KAZN: variants seen among roughly 807,000 people sequenced by gnomAD.
The protein encoded by KAZN is kazrin, periplakin interacting protein, also known as kazrin.
A neutral mutation model predicts 87.4 loss-of-function variants in KAZN; 40 were observed. That is an observed-to-expected ratio of 0.46 (90% CI 0.36 to 0.60). The LOEUF is 0.60. Ranked by LOEUF, KAZN falls within the 20% of genes least tolerant of loss-of-function variation. The probability of loss-of-function intolerance (pLI) is 0.00; values close to 1 mark genes in which losing one functional copy is unlikely to be tolerated. For synonymous variants in KAZN, 466 were observed against 458.3 expected, an observed-to-expected ratio of 1.02 and a Z score of -0.22; for missense variants, 898 against 1,073.9, an observed-to-expected ratio of 0.84 and a Z score of 2.29.
At chr1:14,472,957 T>A (rs1049682854) in intron 2 of KAZN, among the ~76,000 whole-genome samples, 2 of 152,192 alleles carry the variant, frequency 1.3e-5, no homozygotes, top group Non-Finnish European at 2.9e-5. Flanking sequence ...TTGCCTGGAA[T>A]AATTATTTAG....
In KAZN at chr1:14,184,912, C is replaced by T. The variant is rs1257820316; in HGVS notation, c.249+4320C>T. 6.6e-6 allele frequency among the ~76,000 whole-genome samples: 1 copy of T among 152,190 alleles called. No individual in the cohort carries two copies. ...TAATTTGATTCTTCTGTTACTAGCA[C>T]TTTCCATCCCTCCAGATTCTTTCCG... On this transcript the variant is annotated intron_variant, in intron 2 of 16. Transcript: ENST00000636203. This position sits in a 1 kb window ranked among gnomAD's most constrained non-coding sequence, Gnocchi z 4.2.
chr1:14,088,717 T>C (rs1643907002), intron 1 of KAZN, among the ~76,000 whole-genome samples: 1 of 152,000 alleles, frequency 6.6e-6, no homozygotes, highest in Non-Finnish European at 1.5e-5. Context: ...TTTTTATCAA[T>C]TATTGAGAGA....
At chr1:15,086,121 C>T (rs907937014) in intron 8 of KAZN, among the ~76,000 whole-genome samples, 38 of 152,060 alleles carry the variant, frequency 2.5e-4, no homozygotes, top group African/African-American at 8.5e-4. Context: ...CAGGCGCCCC[C>T]GACCACGCCC....
intron 2 of KAZN, among the ~76,000 whole-genome samples, chr1:14,310,488 C>T (rs1424479229): frequency 6.6e-6 from 1 of 152,086 alleles, no homozygotes; most frequent in Non-Finnish European, 1.5e-5. Flanking sequence ...TCTATTGGTT[C>T]CGTGGAAAAC....
chr1:14,599,712 G>T lies in KAZN; in HGVS notation c.226+489G>T, dbSNP rs1676800190. The stretch of plus-strand genomic sequence containing the variant: ...TTCTCCGCGGATGCCAAATCCCTTG[G>T]CTCAGTTGCATCTGGACTTTATTTT... On this transcript the variant is annotated intron_variant, in intron 1 of 14. Transcript: ENST00000376030. This position sits in a 1 kb window ranked among gnomAD's most constrained non-coding sequence, Gnocchi z 4.4. Among the ~76,000 whole-genome samples the T allele has an allele frequency of 6.6e-6, 1 of 152,228 alleles. No homozygotes were observed. The highest frequency in any genetic ancestry group is 2.4e-5 in the African/African-American group (1 of 41,464).
chr1:14,026,754 G>T (rs1339584036), intron 1 of KAZN, among the ~76,000 whole-genome samples: 4 of 152,208 alleles, frequency 2.6e-5, no homozygotes, highest in African/African-American at 9.7e-5. Context: ...AAGAATTGCA[G>T]CTGGAAAGTG....
chr1:14,254,986 TG>T (rs1436759872), intron 2 of KAZN, among the ~76,000 whole-genome samples: 1 of 151,786 alleles, frequency 6.6e-6, no homozygotes, highest in Non-Finnish European at 1.5e-5. Flanking sequence ...CCAGGTGTGG[TG>T]GCATGTGCCT....
At chr1:14,535,548 C>T (rs113625995) in intron 2 of KAZN, among the ~76,000 whole-genome samples, 1 of 152,090 alleles carries the variant, frequency 6.6e-6, no homozygotes, top group Non-Finnish European at 1.5e-5. Context: ...TGCCTGTAAT[C>T]CCAGCTCCTC....
Position 15,047,550 on chromosome 1 carries a change from G to A in KAZN, c.726+3391G>A, listed in dbSNP as rs939722525. Among the ~76,000 whole-genome samples, 4 of 152,296 alleles carry A rather than the reference G, an allele frequency of 2.6e-5. No homozygotes were observed. In the East Asian group the frequency reaches 7.7e-4, roughly 29 times the overall value. On this transcript the variant is annotated intron_variant, in intron 4 of 14. Coordinates refer to ENST00000376030, the MANE Select transcript of KAZN (RefSeq NM_201628.3). ...CTTTGGGAGGCCAAAGCGGGCAGAT[G>A]ACTTGAGGTCAGGAGTTTGAGACCA...
chr1:15,038,987 T>C (rs896925695), intron 3 of KAZN, among the ~76,000 whole-genome samples: 1 of 150,664 alleles, frequency 6.6e-6, no homozygotes, highest in African/African-American at 2.4e-5. Flanking sequence ...GTGCACCTAC[T>C]GTATACAGAC....
At chr1:14,577,902 A>G (rs1675290326) in intron 2 of KAZN, among the ~76,000 whole-genome samples, 1 of 152,202 alleles carries the variant, frequency 6.6e-6, no homozygotes. Context: ...CTGAAGTTCC[A>G]TGGCTGGCAG....
chr1:14,154,880 G>A lies in KAZN; in HGVS notation c.92-25555G>A, dbSNP rs192253829. 7.8e-4 allele frequency among the ~76,000 whole-genome samples: 118 copies of A among 152,068 alleles called. 1 individual carries two copies. The highest frequency in any genetic ancestry group is 2.7e-3 in the African/African-American group (113 of 41,464). On this transcript the variant is annotated intron_variant, in intron 1 of 16. Transcript: ENST00000636203. ...GGATGAATGATCTTTTTCATATATT[G>A]TTGAATTTGGCTTGCTAGTATTTTA...
At chr1:14,768,249 T>G (rs1365679933) in intron 1 of KAZN, among the ~76,000 whole-genome samples, 2 of 152,204 alleles carry the variant, frequency 1.3e-5, no homozygotes, top group African/African-American at 4.8e-5. Flanking sequence ...ATTTTGAGAC[T>G]ATAGTTATTT....
chr1:14,775,090 T>C lies in KAZN; in HGVS notation c.226+175867T>C, dbSNP rs559662265. Among the ~76,000 whole-genome samples, 35 of 152,222 alleles carry C rather than the reference T, an allele frequency of 2.3e-4. 1 individual carries two copies. The South Asian group carries it at 6.7e-3, about 29-fold the overall frequency. ...TCTGCACCTAAGAGGCTCACGGGTG[T>C]TTACAATAGACAGTGCTTGGTGCAT... On this transcript the variant is annotated intron_variant, in intron 1 of 14. Coordinates refer to ENST00000376030, the MANE Select transcript of KAZN (RefSeq NM_201628.3).
chr1:14,842,989 A>T (rs1261058796), intron 1 of KAZN, among the ~76,000 whole-genome samples: 1 of 152,160 alleles, frequency 6.6e-6, no homozygotes, highest in Admixed American at 6.5e-5. Context: ...CATCTCTTAT[A>T]GACATTATCT....
At chr1:14,749,413 C>T (rs1572388133) in intron 1 of KAZN, among the ~76,000 whole-genome samples, 1 of 152,204 alleles carries the variant, frequency 6.6e-6, no homozygotes, top group South Asian at 2.1e-4. Context: ...AGGCCAGGTG[C>T]TGAGAACACC....
At chr1:14,703,450 T>G (rs1006435933) in intron 1 of KAZN, among the ~76,000 whole-genome samples, 9 of 152,268 alleles carry the variant, frequency 5.9e-5, no homozygotes, top group African/African-American at 2.2e-4. Context: ...GCAGTCATTC[T>G]TCTTCTCCCT....
At chr1:14,564,697 C>A (rs1400317439) in intron 2 of KAZN, among the ~76,000 whole-genome samples, 1 of 151,792 alleles carries the variant, frequency 6.6e-6, no homozygotes, top group Admixed American at 6.6e-5. Context: ...CCTGTAATCC[C>A]AGCTACTCAG....
chr1:13,964,258 TAAC>T, intron 1 of KAZN, among the ~76,000 whole-genome samples: 1 of 152,314 alleles, frequency 6.6e-6, no homozygotes, highest in African/African-American at 2.4e-5. Flanking sequence ...CAATGGTGTT[TAAC>T]AACGAGTAAG....
Sources: allele counts gnomAD v4.1 joint callset (sites outside exome capture counted in the v4.1 genomes callset), GRCh38; gene constraint gnomAD v4.1.1; non-coding constraint Gnocchi (gnomAD v3.1); transcripts MANE v1.5; gene names NCBI Gene and HGNC (gene_info 2026-07-23, HGNC 2026-07-21).